Variants in EXOSC9 observed in about 807,000 individuals in gnomAD.
EXOSC9 encodes exosome complex component RRP45.
EXOSC9 carries 38 observed loss-of-function variants against 56.5 expected under a neutral mutation model. That is an observed-to-expected ratio of 0.67 (90% CI 0.52 to 0.88). EXOSC9 has a LOEUF of 0.88. EXOSC9 is among the 40% of genes least tolerant of loss of function. EXOSC9 has a pLI of 0.00. For missense variants in EXOSC9, 559 were observed against 530.5 expected, an observed-to-expected ratio of 1.05 and a Z score of -0.53; for synonymous variants, 170 against 170.8, an observed-to-expected ratio of 0.99 and a Z score of 0.04.
At chr4:121,815,334 TTA>T (rs1385311276) in intron 10 of EXOSC9, 18 of 969,346 alleles carry the variant, frequency 1.9e-5, no homozygotes, top group South Asian at 9.5e-5. Flanking sequence ...CATATACCTC[TTA>T]TATGTTTGTT....
intron 10 of EXOSC9, chr4:121,815,958 C>G: frequency 4.0e-6 from 5 of 1,235,690 alleles, no homozygotes; most frequent in Non-Finnish European, 5.0e-6. Flanking sequence ...AAAGATTAAG[C>G]CTCCACCTAG....
chr4:121,815,869 G>C, intron 10 of EXOSC9: 1 of 1,128,746 alleles, frequency 8.9e-7, no homozygotes, highest in Non-Finnish European at 1.1e-6. Flanking sequence ...CACCATTCAA[G>C]CACCTGTAGG....
chr4:121,813,916 G>C lies in EXOSC9; in HGVS notation c.1025G>C (p.Gly342Ala), dbSNP rs1553928922. Residue 342 changes from glycine (G) to alanine (A), a missense_variant, in exon 10 of 12, where the codon GGA becomes GCA. By Grantham distance (60) the Gly-to-Ala change is moderately conservative (BLOSUM62 0). Transcript: ENST00000243498. The stretch of plus-strand genomic sequence containing the variant: ...CCTGGAACTGCCCAAATTGGAGAGG[G>C]AGTAGAAAACTCCTGGGGTGATCTT... ...WTPGTAQIGEGVENSWGDLED... is the reference protein window; with the variant it reads ...WTPGTAQIGEAVENSWGDLED... 6.2e-7 allele frequency: 1 copy of C among 1,613,552 alleles called. No homozygotes were observed. Among genetic ancestry groups the C allele is most frequent in the East Asian group, 2.2e-5 (1 of 44,862 alleles).
In EXOSC9 at chr4:121,807,629, C is replaced by T. The variant is rs975454322; in HGVS notation, c.605+7C>T. 1 of 1,593,930 alleles carries T rather than the reference C, an allele frequency of 6.3e-7. No individual in the cohort carries two copies. The highest frequency in any genetic ancestry group is 1.3e-5 in the African/African-American group (1 of 74,554). On this transcript the variant is annotated splice_region_variant and intron_variant, in intron 6 of 11. Transcript: ENST00000243498. The stretch of plus-strand genomic sequence containing the variant: ...TTGCCTTTTTCCAGCAAGGGTAAGC[C>T]TCGCCTTATTATGGGCCAAAATTAC...
chr4:121,807,588 C>T lies in EXOSC9; in HGVS notation c.571C>T (p.Pro191Ser), dbSNP rs369027863. ...TGTACCATTAAGTATCCACCACATG[C>T]CCATTTGTGTCAGTTTTGCCTTTTT... ...DPVPLSIHHM[P>S]ICVSFAFFQQ... is the part of the protein sequence containing the mutation. Residue 191 changes from proline (P) to serine (S), a missense_variant, in exon 6 of 12, where the codon CCC (proline) becomes TCC (serine). Transcript: ENST00000243498. 9 of 1,613,326 alleles carry T rather than the reference C, an allele frequency of 5.6e-6. No individual in the cohort carries two copies. The highest frequency in any genetic ancestry group is 7.6e-6 in the Non-Finnish European group (9 of 1,179,436).
At chr4:121,805,796 C>CT (rs765272603) in intron 5 of EXOSC9, among the ~76,000 whole-genome samples, 123 of 67,908 alleles carry the variant, frequency 1.8e-3, no homozygotes, top group Middle Eastern at 9.3e-3. Flanking sequence ...AGAAAATATT[C>CT]TTTTTTTTTT....
At chr4:121,804,842 G>A (rs1726974173) in intron 5 of EXOSC9, 83 bp downstream of exon 5, 1 of 1,237,494 alleles carries the variant, frequency 8.1e-7, no homozygotes, top group Non-Finnish European at 1.1e-6. Context: ...TTTTAGTGAA[G>A]TTATGTTGTA....
chr4:121,810,033 C>T lies in EXOSC9; in HGVS notation c.672C>T (p.Ala224=), dbSNP rs1727165339. ...TGATGGATGGCTTGCTGGTGATTGCCATGAACAAACATCGAGAGATTTGTA... is the reference window on the plus strand; with the variant it reads ...TGATGGATGGCTTGCTGGTGATTGCTATGAACAAACATCGAGAGATTTGTA... ...ERVMDGLLVI[A]MNKHREICTI... The change falls in exon 7 of 12, where the codon GCC becomes GCT. Residue 224 remains alanine (A), a synonymous_variant. Coordinates refer to ENST00000243498, the MANE Select transcript of EXOSC9 (RefSeq NM_005033.3). 6.2e-7 allele frequency: 1 copy of T among 1,613,648 alleles called. No homozygotes were observed. The highest frequency in any genetic ancestry group is 1.3e-5 in the African/African-American group (1 of 74,914).
chr4:121,801,571 G>C, intron 1 of EXOSC9, 81 bp downstream of exon 1: 1 of 1,340,944 alleles, frequency 7.5e-7, no homozygotes, highest in Admixed American at 1.7e-5. Flanking sequence ...GCCCGCCTGG[G>C]CCCGGGGAGC....
intron 3 of EXOSC9, 59 bp from the exon 4 acceptor site, chr4:121,802,856 G>A: frequency 1.2e-6 from 2 of 1,611,344 alleles, no homozygotes; most frequent in East Asian, 4.5e-5. Context: ...GTGAGCTTTT[G>A]TTTTAATACC....
chr4:121,801,732 T>C, intron 1 of EXOSC9, 95 bp from the exon 2 acceptor site: 1 of 1,086,738 alleles, frequency 9.2e-7, no homozygotes, highest in South Asian at 1.3e-5. Context: ...GGATTCCACT[T>C]TCCCCCAAGT....
rs1207662546 is a variant in EXOSC9 at position 121,814,019 on chromosome 4, A to G, written c.1128A>G (p.Gly376=). 1 of 1,613,554 alleles carries G rather than the reference A, an allele frequency of 6.2e-7. No homozygotes were observed. The highest frequency in any genetic ancestry group is 8.5e-7 in the Non-Finnish European group (1 of 1,179,686). ...IILDGIKMDT[G]VEVSDIGSQD... Reference sequence around the variant, plus strand: ...TTGATGGTATAAAAATGGACACTGGAGTAGAAGTCTCTGATATTGGAAGCC... The same window carrying G: ...TTGATGGTATAAAAATGGACACTGGGGTAGAAGTCTCTGATATTGGAAGCC... The change falls in exon 10 of 12, where the codon GGA becomes GGG. Residue 376 remains glycine, a synonymous_variant. Transcript: ENST00000243498.
At chr4:121,804,176 C>CTTTTT (rs10707993) in intron 4 of EXOSC9, among the ~76,000 whole-genome samples, 5 of 121,208 alleles carry the variant, frequency 4.1e-5, no homozygotes, top group Admixed American at 8.2e-5. Flanking sequence ...AACTAAAAAA[C>CTTTTT]TTTTTTTTTT....
At chr4:121,809,628 G>A (rs932703009) in intron 6 of EXOSC9, among the ~76,000 whole-genome samples, 2 of 152,122 alleles carry the variant, frequency 1.3e-5, no homozygotes, top group Non-Finnish European at 2.9e-5. Flanking sequence ...CAACTTTAGG[G>A]TTAACCAATT....
chr4:121,814,218 A>G, intron 10 of EXOSC9, 171 bp downstream of exon 10: 1 of 449,234 alleles, frequency 2.2e-6, no homozygotes, highest in Non-Finnish European at 4.0e-6. Flanking sequence ...CATACAGGAT[A>G]CTATATAGAG....
chr4:121,811,230 A>C (rs1380690016), intron 7 of EXOSC9, among the ~76,000 whole-genome samples: 5 of 152,222 alleles, frequency 3.3e-5, no homozygotes, highest in Non-Finnish European at 7.3e-5. Context: ...AATAAATGTT[A>C]GTTTCTGGTA....
chr4:121,811,843 G>C (rs1309268633), intron 8 of EXOSC9, among the ~76,000 whole-genome samples, 172 bp downstream of exon 8: 1 of 152,142 alleles, frequency 6.6e-6, no homozygotes, highest in Non-Finnish European at 1.5e-5. Flanking sequence ...CCATGGTATA[G>C]TTATGTTACC....
chr4:121,801,524 G>C (rs754473621), intron 1 of EXOSC9, 34 bp downstream of exon 1: 1 of 1,604,304 alleles, frequency 6.2e-7, no homozygotes, highest in East Asian at 2.2e-5. Context: ...TGCGCGCTGC[G>C]TGGGCGCTCG....
chr4:121,813,612 T>C, intron 9 of EXOSC9: 1 of 539,738 alleles, frequency 1.9e-6, no homozygotes, highest in Non-Finnish European at 3.2e-6. Context: ...CCAATTTAAT[T>C]TAGTACTATA....
Sources: gnomAD v4.1 joint callset for allele counts (sites outside exome capture counted in the v4.1 genomes callset) on GRCh38, gnomAD v4.1.1 for gene constraint, MANE v1.5 for transcripts, NCBI Gene and HGNC (gene_info 2026-07-23, HGNC 2026-07-21) for gene names.